Variants in RALGPS2 observed in about 807,000 individuals in gnomAD.
RALGPS2 encodes ras-specific guanine nucleotide-releasing factor RalGPS2.
Under a neutral mutation model 86.8 loss-of-function variants are expected in RALGPS2, and 43 were observed. That is an observed-to-expected ratio of 0.50 (90% confidence interval 0.39 to 0.64). The LOEUF (loss-of-function observed/expected upper bound fraction) is 0.64. RALGPS2 is among the 30% of genes least tolerant of loss of function. RALGPS2 has a pLI of 0.00. For synonymous variants in RALGPS2, 243 were observed against 231.3 expected, an observed-to-expected ratio of 1.05 and a Z score of -0.46; for missense variants, 536 against 694.6, an observed-to-expected ratio of 0.77 and a Z score of 2.57.
chr1:178,767,326 T>C (rs930189610), intron 1 of RALGPS2, among the ~76,000 whole-genome samples: 5 of 151,980 alleles, frequency 3.3e-5, no homozygotes, highest in Non-Finnish European at 7.4e-5. Flanking sequence ...TGGGCTGATA[T>C]TTCTTCAGTC....
At chr1:178,901,197 A>G (rs1386358662) in intron 17 of RALGPS2, among the ~76,000 whole-genome samples, 1 of 152,064 alleles carries the variant, frequency 6.6e-6, no homozygotes, top group Non-Finnish European at 1.5e-5. Context: ...ATTTTAAAGC[A>G]TAATAAATAA....
intron 8 of RALGPS2, among the ~76,000 whole-genome samples, chr1:178,836,405 A>G (rs544405695): frequency 6.6e-6 from 1 of 151,964 alleles, no homozygotes; most frequent in South Asian, 2.1e-4. Context: ...CTTTCATTTT[A>G]TATGTTCTCA....
chr1:178,781,963 A>G (rs1174024427), intron 2 of RALGPS2, among the ~76,000 whole-genome samples: 1 of 152,150 alleles, frequency 6.6e-6, no homozygotes, highest in Non-Finnish European at 1.5e-5. Context: ...ATTCACTGGA[A>G]TTCAGGTTTC....
intron 2 of RALGPS2, among the ~76,000 whole-genome samples, chr1:178,778,078 A>G (rs1173348064): frequency 1.5e-5 from 2 of 132,132 alleles, no homozygotes; most frequent in Non-Finnish European, 3.1e-5. Flanking sequence ...CTGCACAGCA[A>G]AAGAAACTAC....
In RALGPS2 at chr1:178,877,500, A is replaced by G. The variant is rs1355449237; in HGVS notation, c.610A>G (p.Ile204Val). ...KMTPCIPYLGIYLSDLTYIDS... is the reference protein window; with the variant it reads ...KMTPCIPYLGVYLSDLTYIDS... Reference sequence around the variant, plus strand: ...TCATTTATCTAATTGTATTTCAGGTATCTATTTGTCAGATTTAACATACAT... The same window carrying G: ...TCATTTATCTAATTGTATTTCAGGTGTCTATTTGTCAGATTTAACATACAT... Residue 204 changes from isoleucine to valine, a missense_variant and splice_region_variant, in exon 9 of 20, where the codon ATC (isoleucine) becomes GTC (valine). Ile to Val is a conservative substitution (Grantham distance 29). Around this residue, in one of 3 missense-constraint regions of RALGPS2, gnomAD observed 184 missense variants for 296.7 expected, o/e 0.62. Transcript: ENST00000367635. 1 of 1,612,962 alleles carries G rather than the reference A, an allele frequency of 6.2e-7. No individual in the cohort carries two copies. Among genetic ancestry groups the G allele is most frequent in the African/African-American group, 1.3e-5 (1 of 74,994 alleles).
intron 1 of RALGPS2, among the ~76,000 whole-genome samples, chr1:178,767,277 G>A (rs928185410): frequency 1.3e-5 from 2 of 151,704 alleles, no homozygotes; most frequent in African/African-American, 4.9e-5. Flanking sequence ...GGACAGTCTG[G>A]CCTTTTGAGT....
chr1:178,837,193 G>A (rs1656322420), intron 8 of RALGPS2, among the ~76,000 whole-genome samples: 1 of 152,228 alleles, frequency 6.6e-6, no homozygotes, highest in Non-Finnish European at 1.5e-5. Flanking sequence ...GTATATCACT[G>A]TATATTTTAT....
intron 1 of RALGPS2, among the ~76,000 whole-genome samples, chr1:178,756,990 G>A (rs1314235725): frequency 6.6e-6 from 1 of 151,994 alleles, no homozygotes; most frequent in African/African-American, 2.4e-5. Flanking sequence ...TGTAGTTTTT[G>A]TAGAGATCTT....
chr1:178,730,396 G>A (rs12129093), intron 1 of RALGPS2, among the ~76,000 whole-genome samples: 6,133 of 152,044 alleles, frequency 0.04, 147 homozygotes, highest in Non-Finnish European at 0.057. Context: ...ATCAGCATTC[G>A]TTGTTTACAT....
chr1:178,764,030 A>T (rs1228149149), intron 1 of RALGPS2, among the ~76,000 whole-genome samples: 1 of 152,000 alleles, frequency 6.6e-6, no homozygotes, highest in Non-Finnish European at 1.5e-5. Context: ...TGTTGAGTTC[A>T]GGTCCTGAAT....
intron 1 of RALGPS2, among the ~76,000 whole-genome samples, chr1:178,769,313 G>T (rs887057040): frequency 1.8e-4 from 27 of 151,894 alleles, no homozygotes; most frequent in Admixed American, 1.4e-3. Context: ...GGTGACTCAG[G>T]CTGCTAGTCC....
At position 178,727,140 on chromosome 1, in the gene RALGPS2, GTATT is replaced by G. The variant is rs1650064338; in HGVS notation, c.-84+1727_-84+1730del. ...GCCATTTGGGATAAACAATTTCAGTGTATTTATTTTAAGCGTAGTTCATTTTTTC... is the reference window on the plus strand; with the variant it reads ...GCCATTTGGGATAAACAATTTCAGTGTATTTTAAGCGTAGTTCATTTTTTC... On this transcript the variant is annotated intron_variant, in intron 1 of 19. Coordinates refer to ENST00000367635, the MANE Select transcript of RALGPS2 (RefSeq NM_152663.5). 2.6e-5 allele frequency among the ~76,000 whole-genome samples: 4 copies of G among 152,118 alleles called. No individual in the cohort carries two copies. In the South Asian group the frequency reaches 8.3e-4, roughly 31 times the overall value.
rs374543890 is a variant in RALGPS2 at position 178,885,060 on chromosome 1, T to C, written c.905-16T>C. On this transcript the variant is annotated splice_polypyrimidine_tract_variant and intron_variant, in intron 11 of 19. Transcript: ENST00000367635. ...TAAAGTAATCATTTGAAAATCTCTT[T>C]AAATTTAACCCTTAGGTCCTGAAGT... 1.2e-5 allele frequency: 19 copies of C among 1,556,556 alleles called. No homozygotes were observed. Among genetic ancestry groups the C allele is most frequent in the Non-Finnish European group, 1.6e-5 (19 of 1,158,910 alleles).
intron 2 of RALGPS2, among the ~76,000 whole-genome samples, chr1:178,777,909 C>T (rs1185861601): frequency 2.1e-5 from 3 of 142,050 alleles, no homozygotes; most frequent in South Asian, 4.6e-4. Flanking sequence ...GGATTAAAGA[C>T]TTAAACGTTA....
intron 1 of RALGPS2, among the ~76,000 whole-genome samples, chr1:178,735,964 A>G (rs1650676453): frequency 6.6e-6 from 1 of 152,084 alleles, no homozygotes; most frequent in South Asian, 2.1e-4. Context: ...ATCTTTTTTT[A>G]TAGCTCTTCC....
At position 178,916,316 on chromosome 1, in the gene RALGPS2, C is replaced by G. The variant is rs1315763606; in HGVS notation, c.1723-14C>G. The G allele has an allele frequency of 1.9e-6, 3 of 1,582,176 alleles. No individual in the cohort carries two copies. The African/African-American group carries it at 4.0e-5, about 21-fold the overall frequency. ...CAACTTTTAAACTCAGTTTTTAATGCTTATATTTTTTAGGTTCCTACAAAC... is the reference window on the plus strand; with the variant it reads ...CAACTTTTAAACTCAGTTTTTAATGGTTATATTTTTTAGGTTCCTACAAAC... On this transcript the variant is annotated splice_polypyrimidine_tract_variant and intron_variant, in intron 19 of 19. Coordinates refer to ENST00000367635, the MANE Select transcript of RALGPS2 (RefSeq NM_152663.5).
intron 16 of RALGPS2, among the ~76,000 whole-genome samples, chr1:178,895,448 G>A (rs1211166862): frequency 6.6e-6 from 1 of 152,068 alleles, no homozygotes; most frequent in African/African-American, 2.4e-5. Context: ...ACATTTCAGT[G>A]AGGAGAAATA....
At chr1:178,906,374 C>CAA (rs553692347) in intron 18 of RALGPS2, among the ~76,000 whole-genome samples, 1 of 136,394 alleles carries the variant, frequency 7.3e-6, no homozygotes, top group African/African-American at 2.7e-5. Flanking sequence ...GACTCCATCT[C>CAA]AAAAAAAAAA....
At chr1:178,847,370 C>T (rs1296617223) in intron 8 of RALGPS2, among the ~76,000 whole-genome samples, 4 of 151,856 alleles carry the variant, frequency 2.6e-5, no homozygotes, top group Non-Finnish European at 4.4e-5. Context: ...CACTTGAACC[C>T]GGGAGGCAGA....
Sources: gnomAD v4.1 joint callset for allele counts (sites outside exome capture counted in the v4.1 genomes callset) on GRCh38, gnomAD v4.1.1 for gene constraint, gnomAD v4.1.1 regional missense constraint, MANE v1.5 for transcripts, NCBI Gene and HGNC (gene_info 2026-07-23, HGNC 2026-07-21) for gene names.